WDR20: variants seen among roughly 807,000 people sequenced by gnomAD.
WDR20 encodes the protein WD repeat-containing protein 20.
Under a neutral mutation model 38.7 loss-of-function variants are expected in WDR20, and 3 were observed. That is an observed-to-expected ratio of 0.08 (90% CI 0.04 to 0.20). WDR20 has a LOEUF of 0.20. WDR20 is among the 10% of genes least tolerant of loss of function. The pLI is 1.00. For synonymous variants in WDR20, 298 were observed against 285.6 expected, an observed-to-expected ratio of 1.04 and a Z score of -0.44; for missense variants, 559 against 727.7, an observed-to-expected ratio of 0.77 and a Z score of 2.67.
At chr14:102,172,079 G>T (rs1370881160) in intron 1 of WDR20, among the ~76,000 whole-genome samples, 1 of 151,368 alleles carries the variant, frequency 6.6e-6, no homozygotes, top group East Asian at 1.9e-4. Context: ...GTGTCCCTGG[G>T]TACTTGAGAT....
At chr14:102,186,063 T>C (rs2064629120) in intron 1 of WDR20, among the ~76,000 whole-genome samples, 1 of 152,244 alleles carries the variant, frequency 6.6e-6, no homozygotes, top group Admixed American at 6.5e-5. Context: ...GATTACTGTT[T>C]GTTTTTCCTA....
chr14:102,154,560 T>G (rs1247335405), intron 1 of WDR20, among the ~76,000 whole-genome samples: 1 of 152,202 alleles, frequency 6.6e-6, no homozygotes, highest in Non-Finnish European at 1.5e-5. Flanking sequence ...ATAGCACTGG[T>G]ATTGTCATGT....
At chr14:102,166,505 A>T (rs1445323906) in intron 1 of WDR20, among the ~76,000 whole-genome samples, 46 of 152,144 alleles carry the variant, frequency 3.0e-4, no homozygotes, top group Admixed American at 3.0e-3. Context: ...TACTATTTTT[A>T]TGACTGCCCC....
At chr14:102,162,528 C>T (rs952022055) in intron 1 of WDR20, among the ~76,000 whole-genome samples, 2 of 152,130 alleles carry the variant, frequency 1.3e-5, no homozygotes, top group African/African-American at 4.8e-5. Flanking sequence ...TTATAGTCCT[C>T]CAACAAGGAC....
At chr14:102,167,674 C>G (rs2060027425) in intron 1 of WDR20, 1 of 152,182 alleles carries the variant, frequency 6.6e-6, no homozygotes, top group Non-Finnish European at 1.5e-5. Flanking sequence ...TAGATCCGGT[C>G]TCCCTGTTAC....
At chr14:102,205,330 G>T (rs1001755679) in intron 2 of WDR20, among the ~76,000 whole-genome samples, 3 of 152,000 alleles carry the variant, frequency 2.0e-5, no homozygotes, top group Non-Finnish European at 4.4e-5. Context: ...CCTTTGGTAT[G>T]AAAAAGAAGA....
downstream of WDR20, among the ~76,000 whole-genome samples, chr14:102,211,431 A>G (rs1172170870): frequency 6.6e-6 from 1 of 151,622 alleles, no homozygotes; most frequent in Non-Finnish European, 1.5e-5. The surrounding 1 kb of genome is among the most constrained non-coding windows in gnomAD (Gnocchi z 4.2). Flanking sequence ...ATCTGCAAAC[A>G]TGTCACGGTG....
chr14:102,212,621 GGGC>G (rs373864512), downstream of WDR20: 270 of 1,535,202 alleles, frequency 1.8e-4, no homozygotes, highest in East Asian at 5.0e-3. Context: ...CTGGAGAGAG[GGGC>G]AGGGAAGCGC....
intron 2 of WDR20, among the ~76,000 whole-genome samples, chr14:102,205,776 T>G (rs548243294): frequency 6.6e-6 from 1 of 150,754 alleles, no homozygotes; most frequent in African/African-American, 2.4e-5. Flanking sequence ...GAGAAACCCT[T>G]ACCACAATAC....
At position 102,222,885 on chromosome 14, in the gene WDR20, G is replaced by A. The variant is rs778768324; in HGVS notation, c.*2G>A. 2.9e-5 allele frequency: 47 copies of A among 1,613,996 alleles called. No homozygotes were observed. The highest frequency in any genetic ancestry group is 6.7e-5 in the African/African-American group (5 of 74,924). ...TCTCCAGGTGGAACTGTAGTGTAGC[G>A]ACCTCACTGCTGCGCGCACAGTCTC... is the stretch of plus-strand genomic sequence containing the variant. On this transcript the variant is annotated 3_prime_UTR_variant, in exon 4 of 4. Coordinates refer to the WDR20 transcript ENST00000335263. The surrounding 1 kb of genome is among the most constrained non-coding windows in gnomAD (Gnocchi z 4.4).
At chr14:102,190,041 AG>A (rs1457126808) in intron 1 of WDR20, among the ~76,000 whole-genome samples, 1 of 152,080 alleles carries the variant, frequency 6.6e-6, no homozygotes, top group Non-Finnish European at 1.5e-5. Context: ...GCCAAGAAAG[AG>A]GGGCTGTCTG....
chr14:102,156,916 G>A (rs2057533942), intron 1 of WDR20, among the ~76,000 whole-genome samples: 2 of 152,098 alleles, frequency 1.3e-5, no homozygotes, highest in South Asian at 4.1e-4. Flanking sequence ...GCTTGAACCT[G>A]GGAGGCGGAG....
chr14:102,151,382 TTTTTTG>T (rs369867561), intron 1 of WDR20, among the ~76,000 whole-genome samples: 38 of 152,038 alleles, frequency 2.5e-4, no homozygotes, highest in South Asian at 1.0e-3. Context: ...TAGGAGGTGT[TTTTTTG>T]TTTTTGTTTT....
downstream of WDR20, chr14:102,212,688 C>T: frequency 6.6e-7 from 1 of 1,507,890 alleles, no homozygotes; most frequent in Non-Finnish European, 8.9e-7. Context: ...TGGGGAGGGC[C>T]TGGGGAGGGG....
At chr14:102,201,231 A>T (rs572542048) in intron 2 of WDR20, among the ~76,000 whole-genome samples, 2 of 152,174 alleles carry the variant, frequency 1.3e-5, no homozygotes, top group South Asian at 2.1e-4. Context: ...TTGTGGTTGC[A>T]TTATGGCTTT....
chr14:102,215,330 G>T (rs1402472762), downstream of WDR20, among the ~76,000 whole-genome samples: 2 of 152,186 alleles, frequency 1.3e-5, no homozygotes, highest in African/African-American at 2.4e-5. Flanking sequence ...TTCTGAAGTC[G>T]TCCTGGGCCA....
In WDR20 at chr14:102,222,927, A is replaced by C. The variant is rs1412877394; in HGVS notation, c.*44A>C. 6.2e-7 allele frequency: 1 copy of C among 1,612,184 alleles called. No homozygotes were observed. ...CACAGTCTCCCGGGACTTGGACTCGAGGGAGTGACGAGGAGGAGCTCCGAG... is the reference window on the plus strand; with the variant it reads ...CACAGTCTCCCGGGACTTGGACTCGCGGGAGTGACGAGGAGGAGCTCCGAG... On this transcript the variant is annotated 3_prime_UTR_variant, in exon 4 of 4. Transcript: ENST00000335263. This position sits in a 1 kb window ranked among gnomAD's most constrained non-coding sequence, Gnocchi z 4.4.
In WDR20 at chr14:102,156,225, TG is replaced by T. The variant is rs200047698; in HGVS notation, c.249+16055del. ...GTCTGTGCCCCAGGCTGGAGTGCAG[TG>T]GCATGATCTCGGCTCACTGCAAGCT... On this transcript the variant is annotated intron_variant, in intron 1 of 2. Transcript: ENST00000342702. 9.1e-3 allele frequency among the ~76,000 whole-genome samples: 1,379 copies of T among 151,538 alleles called. 22 individuals carry two copies. The highest frequency in any genetic ancestry group is 0.031 in the African/African-American group (1,267 of 41,196).
At chr14:102,145,593 T>C (rs2053302997) in intron 1 of WDR20, among the ~76,000 whole-genome samples, 1 of 152,078 alleles carries the variant, frequency 6.6e-6, no homozygotes, top group Non-Finnish European at 1.5e-5. Context: ...GAGACCAGCC[T>C]GGACAACATA....
Sources: gnomAD v4.1 joint callset for allele counts (sites outside exome capture counted in the v4.1 genomes callset) on GRCh38, gnomAD v4.1.1 for gene constraint, Gnocchi (gnomAD v3.1) non-coding constraint, MANE v1.5 for transcripts, NCBI Gene and HGNC (gene_info 2026-07-23, HGNC 2026-07-21) for gene names.